The following ZNF697 variants were observed in gnomAD, a reference collection of about 807,000 sequenced individuals.
ZNF697 encodes the protein zinc finger protein 697.
A neutral mutation model predicts 32.4 loss-of-function variants in ZNF697; 23 were observed. The observed-to-expected ratio is 0.71, with a 90% CI of 0.51 to 1.01. The LOEUF is 1.01. Ranked by LOEUF, ZNF697 falls within the 50% of genes least tolerant of loss-of-function variation. The pLI is 0.00. For missense variants in ZNF697, 930 were observed against 794.0 expected (o/e 1.17, Z -2.06); for synonymous variants, 418 against 337.2 (o/e 1.24, Z -2.62).
At chr1:119,640,530 C>T (rs1157613533) in intron 1 of ZNF697, among the ~76,000 whole-genome samples, 3 of 152,230 alleles carry the variant, frequency 2.0e-5, no homozygotes, top group African/African-American at 4.8e-5. Context: ...CAAATGCCAG[C>T]ATGCTTTGTT....
intron 1 of ZNF697, among the ~76,000 whole-genome samples, chr1:119,630,064 G>A (rs1648717055): frequency 6.6e-6 from 1 of 152,212 alleles, no homozygotes; most frequent in Non-Finnish European, 1.5e-5. Context: ...AGAAGGAATA[G>A]AAGTTTAAGG....
At chr1:119,638,431 C>T (rs1012161392) in intron 1 of ZNF697, among the ~76,000 whole-genome samples, 21 of 152,172 alleles carry the variant, frequency 1.4e-4, no homozygotes, top group Admixed American at 6.5e-5. Flanking sequence ...TTGATCTCAC[C>T]ATCAACACTG....
At position 119,623,333 on chromosome 1, in the gene ZNF697, C is replaced by T. The variant is rs774093861; in HGVS notation, c.1010G>A (p.Arg337His). 30 of 1,355,486 alleles carry T rather than the reference C, an allele frequency of 2.2e-5. No individual in the cohort carries two copies. The highest frequency in any genetic ancestry group is 2.6e-5 in the Non-Finnish European group (27 of 1,057,146). The allele number at this position is 1,355,486 out of a possible 1,614,324, so 84.0% of individuals were successfully genotyped here. Residue 337 changes from arginine (R) to histidine (H), a missense_variant, in exon 3 of 3, where the codon CGC (arginine) becomes CAC (histidine). Physicochemically the swap from Arg to His is conservative, Grantham distance 29 (BLOSUM62 0). Transcript: ENST00000421812. ...CGCGCCGCTGGCCGCCGCGTGCGCG[C>T]GCCGGTGGCTCAACAGATGCGAGCT... ...SLSSHLLSHR[R>H]AHAAASGAGA...
rs1570934623 is a variant in ZNF697, at chr1:119,622,790, T to C, written c.1553A>G (p.Asn518Ser). 6.3e-7 allele frequency: 1 copy of C among 1,598,804 alleles called. No individual in the cohort carries two copies. Among genetic ancestry groups the C allele is most frequent in the Non-Finnish European group, 8.5e-7 (1 of 1,172,850 alleles). ...GCAGCCCGCACACTTGTGCGGCTTG[T>C]TGCCCGTGTGGATGCGGCGGTGGCG... Reference protein sequence around the residue: ...LIRHRRIHTGNKPHKCAGCGK... With the variant: ...LIRHRRIHTGSKPHKCAGCGK... The change falls in exon 3 of 3, where the codon AAC (asparagine) becomes AGC (serine). Residue 518 changes from asparagine (N) to serine (S), a missense_variant. Asn to Ser is a conservative substitution (Grantham distance 46). Coordinates refer to ENST00000421812, the MANE Select transcript of ZNF697 (RefSeq NM_001080470.2).
At position 119,622,672 on chromosome 1, in the gene ZNF697, T is replaced by A. The variant is rs1648374442; in HGVS notation, c.*33A>T. 3 of 1,475,770 alleles carry A rather than the reference T, an allele frequency of 2.0e-6. No individual in the cohort carries two copies. The highest frequency in any genetic ancestry group is 2.7e-6 in the Non-Finnish European group (3 of 1,112,430). The allele number at this position is 1,475,770 out of a possible 1,614,324, so 91.4% of individuals were successfully genotyped here. On this transcript the variant is annotated 3_prime_UTR_variant, in exon 3 of 3. Transcript: ENST00000421812. Reference sequence around the variant, plus strand: ...CCCAGGATATCTACCCCCCACAGGCTCCCCAGACGGCAGCCTCCCGCGGAC... The same window carrying A: ...CCCAGGATATCTACCCCCCACAGGCACCCCAGACGGCAGCCTCCCGCGGAC...
At chr1:119,625,299 T>A (rs1389210476) in intron 2 of ZNF697, among the ~76,000 whole-genome samples, 2 of 152,182 alleles carry the variant, frequency 1.3e-5, no homozygotes, top group Non-Finnish European at 2.9e-5. Flanking sequence ...AAGTAATGAA[T>A]GCCCAAAGAC....
Position 119,622,104 on chromosome 1 carries a change from T to C in ZNF697, c.*601A>G, listed in dbSNP as rs954824117. The C allele has an allele frequency of 6.6e-6, 1 of 152,638 alleles. No individual in the cohort carries two copies. Among genetic ancestry groups the C allele is most frequent in the Non-Finnish European group, 1.5e-5 (1 of 68,066 alleles). The allele number at this position is 152,638 out of a possible 1,614,324, so 9.5% of individuals were successfully genotyped here. A position where few individuals can be genotyped will look rare whatever the true frequency, so the allele number is the denominator to read the frequency against. On this transcript the variant is annotated 3_prime_UTR_variant, in exon 3 of 3. Transcript: ENST00000421812. ...CCCCTTGAAATGAGTGTGGCGTTTT[T>C]CAGCCCACTTCCCCTTGGATGCCTC... is the stretch of plus-strand genomic sequence containing the variant.
Position 119,623,907 on chromosome 1 carries a change from G to C in ZNF697, c.436C>G (p.His146Asp). The C allele has an allele frequency of 6.4e-7, 1 of 1,558,662 alleles. No homozygotes were observed. The highest frequency in any genetic ancestry group is 1.9e-5 in the Admixed American group (1 of 53,046). Residue 146 changes from histidine (H) to aspartate (D), a missense_variant, in exon 3 of 3, where the codon CAT (histidine) becomes GAT (aspartate). Transcript: ENST00000421812. ...CGGTGCCGACTCCCCAGGGAGAGAT[G>C]TCGCCTCCAGGGAAGTACGGGAGGG... is the stretch of plus-strand genomic sequence containing the variant. Reference protein sequence around the residue: ...PAPPVLPWRRHLSLGSRHRGD... With the variant: ...PAPPVLPWRRDLSLGSRHRGD...
intron 1 of ZNF697, among the ~76,000 whole-genome samples, chr1:119,645,554 T>C (rs1649178160): frequency 6.6e-6 from 1 of 152,100 alleles, no homozygotes. Flanking sequence ...AACCGGACAG[T>C]CACGGAGGTA....
chr1:119,641,979 C>T (rs1649087826), intron 1 of ZNF697, among the ~76,000 whole-genome samples: 1 of 152,120 alleles, frequency 6.6e-6, no homozygotes, highest in Non-Finnish European at 1.5e-5. Context: ...TTGAGAATTT[C>T]AAGTTAAAAC....
rs1648241951 is a variant in ZNF697, at chr1:119,619,452, A to T, written c.*3253T>A. On this transcript the variant is annotated 3_prime_UTR_variant, in exon 3 of 3. Transcript: ENST00000421812. Reference sequence around the variant, plus strand: ...GACTGATATGGATTTAATGACAAATATTCCATATTGGTTGCTGAACACCAG... The same window carrying T: ...GACTGATATGGATTTAATGACAAATTTTCCATATTGGTTGCTGAACACCAG... 6.6e-6 allele frequency: 1 copy of T among 152,282 alleles called. No individual in the cohort carries two copies. Among genetic ancestry groups the T allele is most frequent in the Non-Finnish European group, 1.5e-5 (1 of 68,048 alleles). 9.4% of individuals were successfully genotyped at this position (152,282 alleles called of 1,614,324 possible).
chr1:119,625,652 T>G (rs1157313631), intron 2 of ZNF697, among the ~76,000 whole-genome samples: 1 of 152,204 alleles, frequency 6.6e-6, no homozygotes. Flanking sequence ...TAAAAAGTAC[T>G]GCGCCAGTGA....
chr1:119,633,197 A>G (rs956464586), intron 1 of ZNF697, among the ~76,000 whole-genome samples: 17 of 152,276 alleles, frequency 1.1e-4, no homozygotes, highest in African/African-American at 3.9e-4. Flanking sequence ...TTGTGGCCAG[A>G]CTCTCAATTT....
In ZNF697 at chr1:119,625,933, C is replaced by G; in HGVS notation, c.168G>C (p.Glu56Asp). The G allele has an allele frequency of 1.2e-6, 2 of 1,614,022 alleles. No homozygotes were observed. The highest frequency in any genetic ancestry group is 1.7e-6 in the Non-Finnish European group (2 of 1,179,862). Residue 56 changes from glutamate (E) to aspartate (D), a missense_variant, in exon 2 of 3, where the codon GAG (glutamate) becomes GAC (aspartate). Glu to Asp is a conservative substitution (Grantham distance 45). Transcript: ENST00000421812. ...TTGAGTCCTGTGGGTTGGAGCCCAT[C>G]TCCGGCTCCGGATGGCCTTCTCTCT... ...TNKREGHPEP[E>D]MGSNPQDSRH...
At chr1:119,647,453 A>G (rs917784658) in intron 1 of ZNF697, among the ~76,000 whole-genome samples, 8 of 152,088 alleles carry the variant, frequency 5.3e-5, no homozygotes, top group Admixed American at 2.6e-4. Flanking sequence ...TTATTGTGTC[A>G]TTTGCCCGGT....
At chr1:119,644,396 G>T (rs114146244) in intron 1 of ZNF697, among the ~76,000 whole-genome samples, 117 of 152,326 alleles carry the variant, frequency 7.7e-4, no homozygotes, top group African/African-American at 2.7e-3. Context: ...CTCAGAATAA[G>T]ATCCATGAGG....
chr1:119,622,417 T>C lies in ZNF697; in HGVS notation c.*288A>G, dbSNP rs7522088. On this transcript the variant is annotated 3_prime_UTR_variant, in exon 3 of 3. Transcript: ENST00000421812. ...GCCCACGAACTGCCCTTCCTCAAAG[T>C]GCCTGGTCCTCCAAGCTCTTCACCC... 0.64 allele frequency: 256,607 copies of C among 401,498 alleles called. 84,447 individuals are homozygous for C. The highest frequency in any genetic ancestry group is 0.83 in the African/African-American group (39,880 of 48,282). 24.9% of individuals were successfully genotyped at this position (401,498 alleles called of 1,614,324 possible).
At position 119,648,190 on chromosome 1, in the gene ZNF697, CTGGCTGGCTGGT is replaced by C. The variant is rs1215800300; in HGVS notation, c.-549_-538del. On this transcript the variant is annotated 5_prime_UTR_variant, in exon 1 of 3. Coordinates refer to ENST00000421812, the MANE Select transcript of ZNF697 (RefSeq NM_001080470.2). ...GCTGCAGCGGCCGCTGGGTGGCCCGCTGGCTGGCTGGTTGGCTGGCTGGCTGGCTGGCTGGCT... is the reference window on the plus strand; with the variant it reads ...GCTGCAGCGGCCGCTGGGTGGCCCGCTGGCTGGCTGGCTGGCTGGCTGGCT... Among the ~76,000 whole-genome samples, 3 of 128,790 alleles carry C rather than the reference CTGGCTGGCTGGT, an allele frequency of 2.3e-5. No homozygotes were observed. The highest frequency in any genetic ancestry group is 3.4e-5 in the Non-Finnish European group (2 of 58,636). 84.5% of individuals were successfully genotyped at this position (128,790 alleles called of 152,430 possible). A position where few individuals can be genotyped will look rare whatever the true frequency, so the allele number is the denominator to read the frequency against.
intron 1 of ZNF697, among the ~76,000 whole-genome samples, chr1:119,627,774 C>G (rs587766309): frequency 2.6e-5 from 4 of 152,186 alleles, no homozygotes; most frequent in African/African-American, 9.6e-5. Flanking sequence ...TCCTTTAGAA[C>G]GTATACTGTT....
Sources: allele counts gnomAD v4.1 joint callset (sites outside exome capture counted in the v4.1 genomes callset), GRCh38; gene constraint gnomAD v4.1.1; transcripts MANE v1.5; gene names NCBI Gene and HGNC (gene_info 2026-07-23, HGNC 2026-07-21).